Variants in BRAF observed in about 807,000 individuals in gnomAD.
BRAF encodes serine/threonine-protein kinase B-raf.
In BRAF, 16 loss-of-function variants were observed where a neutral mutation model predicts 104.6. The ratio of observed to expected loss-of-function variants is 0.15; its 90% CI spans 0.10 to 0.23. The LOEUF is 0.23. Among genes scored for constraint, BRAF ranks in the 10% least tolerant of loss-of-function variants. The pLI, the probability that BRAF is intolerant of heterozygous loss-of-function variation, is 1.00. For missense variants in BRAF, 541 were observed against 937.3 expected, an observed-to-expected ratio of 0.58 and a Z score of 5.52; for synonymous variants, 310 against 341.6, an observed-to-expected ratio of 0.91 and a Z score of 1.02.
chr7:140,743,995 T>C (rs1185372923), intron 17 of BRAF, among the ~76,000 whole-genome samples: 1 of 152,238 alleles, frequency 6.6e-6, no homozygotes, highest in Non-Finnish European at 1.5e-5. Context: ...GAGTGATATA[T>C]AGTATGTGGT....
At chr7:140,765,529 A>G (rs1427206737) in intron 14 of BRAF, among the ~76,000 whole-genome samples, 7 of 152,102 alleles carry the variant, frequency 4.6e-5, no homozygotes, top group East Asian at 1.9e-4. Flanking sequence ...AAAATGGGAG[A>G]AAATTTTCGC....
intron 1 of BRAF, among the ~76,000 whole-genome samples, chr7:140,908,304 A>G (rs1252163561): frequency 6.6e-6 from 1 of 152,172 alleles, no homozygotes; most frequent in Non-Finnish European, 1.5e-5. Flanking sequence ...TTCTACATAT[A>G]TATTACATAT....
chr7:140,775,282 T>C (rs1288105089), intron 14 of BRAF, among the ~76,000 whole-genome samples: 1 of 152,026 alleles, frequency 6.6e-6, no homozygotes, highest in Admixed American at 6.6e-5. Context: ...GGGAAGAGAA[T>C]AAGCCTTTGT....
chr7:140,871,020 G>A (rs1440308966), intron 1 of BRAF, among the ~76,000 whole-genome samples: 1 of 151,910 alleles, frequency 6.6e-6, no homozygotes, highest in African/African-American at 2.4e-5. Flanking sequence ...AAGGTCAGGA[G>A]ATCGAGACCA....
chr7:140,873,378 C>T (rs1220922079), intron 1 of BRAF, among the ~76,000 whole-genome samples: 2 of 152,060 alleles, frequency 1.3e-5, no homozygotes, highest in Non-Finnish European at 2.9e-5. Context: ...CCATGTTGGC[C>T]AGGCTGGTCT....
intron 3 of BRAF, among the ~76,000 whole-genome samples, chr7:140,811,946 T>C (rs1473014383): frequency 6.6e-6 from 1 of 152,182 alleles, no homozygotes; most frequent in Non-Finnish European, 1.5e-5. Flanking sequence ...AGCTCACTTT[T>C]CCCTGTGCCA....
intron 14 of BRAF, among the ~76,000 whole-genome samples, chr7:140,772,135 C>T (rs1024443528): frequency 6.6e-6 from 1 of 152,024 alleles, no homozygotes; most frequent in Non-Finnish European, 1.5e-5. Context: ...AAATGAGTGA[C>T]CAGAAGTCAA....
chr7:140,857,198 G>A (rs1809880472), intron 1 of BRAF, among the ~76,000 whole-genome samples: 1 of 152,206 alleles, frequency 6.6e-6, no homozygotes, highest in African/African-American at 2.4e-5. Flanking sequence ...AGATGATTAG[G>A]TGATATAAAA....
At chr7:140,808,132 A>G (rs1232017310) in intron 4 of BRAF, 70 bp from the exon 5 acceptor site, 7 of 1,270,558 alleles carry the variant, frequency 5.5e-6, no homozygotes, top group Non-Finnish European at 8.0e-6. Flanking sequence ...CATGCTGAAG[A>G]TATGAAAATT....
chr7:140,907,649 A>G (rs1011501130), intron 1 of BRAF, among the ~76,000 whole-genome samples: 5 of 151,800 alleles, frequency 3.3e-5, no homozygotes, highest in African/African-American at 1.2e-4. Context: ...TGCAGCCTCA[A>G]ACTCCTGGGC....
rs947714170 is a variant in BRAF at position 140,726,390 on chromosome 7, G to C, written c.*104C>G. 9.9e-6 allele frequency: 15 copies of C among 1,508,096 alleles called. No individual in the cohort carries two copies. Among genetic ancestry groups the C allele is most frequent in the Non-Finnish European group, 1.2e-5 (14 of 1,136,406 alleles). The allele number at this position is 1,508,096 out of a possible 1,614,324, so 93.4% of individuals were successfully genotyped here. On this transcript the variant is annotated 3_prime_UTR_variant, in exon 20 of 20. Transcript: ENST00000644969. ...CATCAGCTTATGCATTGGAAATTTT[G>C]TATCTTTAAAAAAAGATTTGAGGAA... is the stretch of plus-strand genomic sequence containing the variant.
At chr7:140,778,879 C>T (rs1800576142) in intron 12 of BRAF, among the ~76,000 whole-genome samples, 1 of 152,048 alleles carries the variant, frequency 6.6e-6, no homozygotes, top group Non-Finnish European at 1.5e-5. Context: ...CAATTCTGTC[C>T]TAGGTATATA....
At chr7:140,830,349 T>C (rs1327828196) in intron 3 of BRAF, among the ~76,000 whole-genome samples, 5 of 152,196 alleles carry the variant, frequency 3.3e-5, no homozygotes, top group Non-Finnish European at 1.5e-5. Flanking sequence ...AACTCTGATA[T>C]TGTGGTTTAT....
intron 1 of BRAF, among the ~76,000 whole-genome samples, chr7:140,896,500 G>A (rs774000825): frequency 1.3e-5 from 2 of 151,708 alleles, no homozygotes; most frequent in East Asian, 1.9e-4. Flanking sequence ...AGGCTGAGGC[G>A]GGTGGATCAC....
rs573816923 is a variant in BRAF, at chr7:140,766,155, T to C, written c.1814+10757A>G. Among the ~76,000 whole-genome samples the C allele has an allele frequency of 3.2e-3, 484 of 152,084 alleles. 4 individuals are homozygous for C. Among genetic ancestry groups the C allele is most frequent in the African/African-American group, 0.011 (460 of 41,420 alleles). On this transcript the variant is annotated intron_variant, in intron 14 of 19. Transcript: ENST00000644969. Reference sequence around the variant, plus strand: ...GTCCTTTGTAGGGACATGGATGAAATTGGAAATCATCATTCTCAGTAAACT... The same window carrying C: ...GTCCTTTGTAGGGACATGGATGAAACTGGAAATCATCATTCTCAGTAAACT...
intron 1 of BRAF, among the ~76,000 whole-genome samples, chr7:140,886,753 A>T (rs1413474631): frequency 1.3e-5 from 2 of 152,164 alleles, no homozygotes; most frequent in African/African-American, 2.4e-5. Context: ...ATCACAATTC[A>T]GAATTTGCGT....
chr7:140,818,178 T>G (rs1054151789), intron 3 of BRAF, among the ~76,000 whole-genome samples: 3 of 152,188 alleles, frequency 2.0e-5, no homozygotes, highest in Admixed American at 6.5e-5. Context: ...GGAATGGGAC[T>G]GGTAGTGGAA....
At chr7:140,840,967 A>G (rs1237913145) in intron 2 of BRAF, among the ~76,000 whole-genome samples, 7 of 151,906 alleles carry the variant, frequency 4.6e-5, no homozygotes, top group Non-Finnish European at 5.9e-5. Flanking sequence ...CATCCACCTC[A>G]GCCTCCCAAA....
In BRAF at chr7:140,739,881, T is replaced by C. The variant is rs1216701721; in HGVS notation, c.2178A>G (p.Pro726=). The change falls in exon 18 of 20, where the codon CCA becomes CCG. Residue 726 remains proline (P), a synonymous_variant. Transcript: ENST00000644969. ...PDLSKVRSNC[P]KAMKRLMAEC... ...CTGCCATTAATCTCTTCATGGCTTTTGGACAGTTACTCCGTACCTTACTGA... is the reference window on the plus strand; with the variant it reads ...CTGCCATTAATCTCTTCATGGCTTTCGGACAGTTACTCCGTACCTTACTGA... 17 of 1,613,634 alleles carry C rather than the reference T, an allele frequency of 1.1e-5. No homozygotes were observed. The highest frequency in any genetic ancestry group is 1.4e-5 in the Non-Finnish European group (16 of 1,179,830).
Sources: gnomAD v4.1 joint callset for allele counts (sites outside exome capture counted in the v4.1 genomes callset) on GRCh38, gnomAD v4.1.1 for gene constraint, MANE v1.5 for transcripts, NCBI Gene and HGNC (gene_info 2026-07-23, HGNC 2026-07-21) for gene names.